TRAP1: variants seen among roughly 807,000 people sequenced by gnomAD.
TRAP1 encodes TNF receptor associated protein 1, also known as heat shock protein 75 kDa, mitochondrial.
In TRAP1, 102 loss-of-function variants were observed where a neutral mutation model predicts 89.1. The observed-to-expected ratio is 1.15, with a 90% CI of 0.98 to 1.35. TRAP1 has a LOEUF of 1.35. Among genes scored for constraint, TRAP1 ranks in the 40% most tolerant of loss-of-function variants. The pLI, the probability that TRAP1 is intolerant of heterozygous loss-of-function variation, is 0.00. For synonymous variants in TRAP1, 508 were observed against 388.0 expected, an observed-to-expected ratio of 1.31 and a Z score of -3.64; for missense variants, 1,256 against 945.3, an observed-to-expected ratio of 1.33 and a Z score of -4.31.
At chr16:3,694,215 T>C (rs1424221371) in intron 1 of TRAP1, among the ~76,000 whole-genome samples, 1 of 152,090 alleles carries the variant, frequency 6.6e-6, no homozygotes, top group African/African-American at 2.4e-5. Context: ...CCTCTTCTTA[T>C]ACGGATACCA....
chr16:3,681,105 T>G (rs776106222), intron 4 of TRAP1, among the ~76,000 whole-genome samples: 1 of 152,194 alleles, frequency 6.6e-6, no homozygotes, highest in Non-Finnish European at 1.5e-5. Flanking sequence ...ATGCCCATAA[T>G]GTAGCCACAG....
intron 1 of TRAP1, among the ~76,000 whole-genome samples, chr16:3,700,305 T>C (rs2051348466): frequency 6.6e-6 from 1 of 151,562 alleles, no homozygotes; most frequent in Admixed American, 6.6e-5. Context: ...GTAGCTGAGA[T>C]TACAGGCATG....
rs59256364 is a variant in TRAP1, at chr16:3,669,832, C to CA, written c.1235+1889dup. 7.4e-3 allele frequency among the ~76,000 whole-genome samples: 489 copies of CA among 66,114 alleles called. 20 individuals carry two copies. Among genetic ancestry groups the CA allele is most frequent in the African/African-American group, 0.013 (298 of 23,112 alleles). The allele number at this position is 66,114 out of a possible 152,430, so 43.4% of individuals were successfully genotyped here. A position where few individuals can be genotyped will look rare whatever the true frequency, so the allele number is the denominator to read the frequency against. ...TGGGCAACAGACCAAGACTCCGTCTCAAAAAAAAAAAAAAAAAAAAAAAAA... is the reference window on the plus strand; with the variant it reads ...TGGGCAACAGACCAAGACTCCGTCTCAAAAAAAAAAAAAAAAAAAAAAAAAA... On this transcript the variant is annotated intron_variant, in intron 11 of 17. Coordinates refer to ENST00000246957, the MANE Select transcript of TRAP1 (RefSeq NM_016292.3).
At chr16:3,664,546 C>T in intron 12 of TRAP1, 87 bp from the exon 13 acceptor site, 6 of 1,410,732 alleles carry the variant, frequency 4.3e-6, no homozygotes, top group Non-Finnish European at 5.7e-6. Context: ...CTCCGATGCC[C>T]ATGGCCTCCT....
rs71133652 is a variant in TRAP1 at position 3,710,879 on chromosome 16, A to ATATATATTTTT, written c.88+6541_88+6542insAAAAATATATA. Among the ~76,000 whole-genome samples the ATATATATTTTT allele has an allele frequency of 4.5e-3, 561 of 125,698 alleles. 2 individuals carry two copies. Among genetic ancestry groups the ATATATATTTTT allele is most frequent in the East Asian group, 0.013 (54 of 4,184 alleles). The allele number at this position is 125,698 out of a possible 152,430, so 82.5% of individuals were successfully genotyped here. A position where few individuals can be genotyped will look rare whatever the true frequency, so the allele number is the denominator to read the frequency against. On this transcript the variant is annotated intron_variant, in intron 1 of 17. Coordinates refer to ENST00000246957, the MANE Select transcript of TRAP1 (RefSeq NM_016292.3). ...TGTGTATATATATATATATATATATATTTTTTTTTTTGAGACACTGTCACT... is the reference window on the plus strand; with the variant it reads ...TGTGTATATATATATATATATATATATATATATTTTTTTTTTTTTTTTGAGACACTGTCACT...
intron 4 of TRAP1, among the ~76,000 whole-genome samples, chr16:3,684,633 T>C (rs935847711): frequency 6.6e-6 from 1 of 152,126 alleles, no homozygotes; most frequent in African/African-American, 2.4e-5. Context: ...CTACTAAAAA[T>C]ACAAAAATTA....
chr16:3,710,845 A>C (rs1421690609), intron 1 of TRAP1, among the ~76,000 whole-genome samples: 5 of 140,920 alleles, frequency 3.5e-5, no homozygotes, highest in African/African-American at 1.4e-4. Context: ...AATTTCTTTT[A>C]TATGTGTGTG....
In TRAP1 at chr16:3,700,019, A is replaced by T. The variant is rs141455130; in HGVS notation, c.89-9034T>A. Among the ~76,000 whole-genome samples the T allele has an allele frequency of 4.7e-3, 710 of 151,762 alleles. 5 individuals are homozygous for T. The highest frequency in any genetic ancestry group is 0.016 in the African/African-American group (678 of 41,360). Reference sequence around the variant, plus strand: ...CTGCTGCTATATGCCAGCATATGACATTTCCCACTGTTAATTTTTTGGTTA... The same window carrying T: ...CTGCTGCTATATGCCAGCATATGACTTTTCCCACTGTTAATTTTTTGGTTA... On this transcript the variant is annotated intron_variant, in intron 1 of 17. Transcript: ENST00000246957.
At chr16:3,682,630 C>T (rs926780588) in intron 4 of TRAP1, among the ~76,000 whole-genome samples, 3 of 152,098 alleles carry the variant, frequency 2.0e-5, no homozygotes, top group Non-Finnish European at 4.4e-5. Context: ...TGAGCTCAGA[C>T]AATCTGCCCG....
At chr16:3,714,269 G>T (rs1218066204) in intron 1 of TRAP1, among the ~76,000 whole-genome samples, 1 of 152,164 alleles carries the variant, frequency 6.6e-6, no homozygotes, top group East Asian at 1.9e-4. Context: ...TGACGACTCG[G>T]GGGCATTGGA....
intron 3 of TRAP1, among the ~76,000 whole-genome samples, chr16:3,686,576 C>G (rs1178053830): frequency 1.3e-5 from 2 of 152,162 alleles, no homozygotes; most frequent in East Asian, 1.9e-4. Flanking sequence ...CTCCGCCTCC[C>G]AAAGTGTTGG....
intron 11 of TRAP1, among the ~76,000 whole-genome samples, chr16:3,667,148 G>A (rs1416838842): frequency 6.6e-6 from 1 of 152,106 alleles, no homozygotes; most frequent in East Asian, 1.9e-4. Context: ...GCCATGGTTG[G>A]GAAGAGCCTG....
At position 3,715,641 on chromosome 16, in the gene TRAP1, C is replaced by A. The variant is rs367722240; in HGVS notation, c.88+1780G>T. Among the ~76,000 whole-genome samples, 4 of 152,002 alleles carry A rather than the reference C, an allele frequency of 2.6e-5. No individual in the cohort carries two copies. The South Asian group carries it at 8.3e-4, about 32-fold the overall frequency. ...AAACCCGAGTCAGCTACAAAAGAAA[C>A]GAGAACCAAATTAACAGAACAGTTG... On this transcript the variant is annotated intron_variant, in intron 1 of 17. Coordinates refer to ENST00000246957, the MANE Select transcript of TRAP1 (RefSeq NM_016292.3).
chr16:3,666,180 G>A (rs116323659), intron 11 of TRAP1, 62 bp from the exon 12 acceptor site: 6 of 1,547,136 alleles, frequency 3.9e-6, no homozygotes, highest in East Asian at 2.3e-5. Flanking sequence ...AATGGCCAGA[G>A]GGTACGAAAA....
chr16:3,688,948 CT>C, intron 3 of TRAP1, 106 bp downstream of exon 3: 1 of 1,037,944 alleles, frequency 9.6e-7, no homozygotes, highest in Non-Finnish European at 1.4e-6. Context: ...AAGTTTAATG[CT>C]TTCTCACAGC....
intron 13 of TRAP1, chr16:3,664,062 C>G: frequency 1.8e-6 from 1 of 541,860 alleles, no homozygotes; most frequent in Non-Finnish European, 3.1e-6. Flanking sequence ...GACTCCATCT[C>G]AAAAAAACAA....
intron 1 of TRAP1, among the ~76,000 whole-genome samples, chr16:3,713,579 A>C (rs1036343543): frequency 1.3e-5 from 2 of 152,218 alleles, no homozygotes; most frequent in African/African-American, 4.8e-5. Flanking sequence ...TGCCTCAGTC[A>C]TGTTCTGGCA....
chr16:3,717,470 GC>G lies in TRAP1; in HGVS notation c.38del (p.Arg13ProfsTer104), dbSNP rs771915608. 7.6e-7 allele frequency: 1 copy of G among 1,310,482 alleles called. No individual in the cohort carries two copies. Among genetic ancestry groups the G allele is most frequent in the South Asian group, 2.2e-5 (1 of 45,430 alleles). 81.2% of individuals were successfully genotyped at this position (1,310,482 alleles called of 1,614,324 possible). On this transcript the variant is annotated frameshift_variant, in exon 1 of 18. Transcript: ENST00000246957. LOFTEE classifies it high-confidence loss of function. ...GCGCCCGCAGCAAAGGCCGCAGGCG[GC>G]GGCCCCACAGCAGCAGCGCCCGCAG... ...RELRALLLWG[R>X]RLRPLLRAPA...
intron 1 of TRAP1, among the ~76,000 whole-genome samples, chr16:3,695,333 A>G (rs2051271785): frequency 6.6e-6 from 1 of 152,064 alleles, no homozygotes. Context: ...ATCTTTTCGT[A>G]TGTCTCTCTT....
Sources: gnomAD v4.1 joint callset for allele counts (sites outside exome capture counted in the v4.1 genomes callset) on GRCh38, gnomAD v4.1.1 for gene constraint, MANE v1.5 for transcripts, NCBI Gene and HGNC (gene_info 2026-07-23, HGNC 2026-07-21) for gene names.